Variants in PSD3 observed in about 807,000 individuals in gnomAD.
PSD3 encodes the protein PH and SEC7 domain-containing protein 3.
In PSD3, 49 loss-of-function variants were observed where a neutral mutation model predicts 105.5. The ratio of observed to expected loss-of-function variants is 0.46; its 90% CI spans 0.37 to 0.59. PSD3 has a LOEUF of 0.59. Among genes scored for constraint, PSD3 ranks in the 20% least tolerant of loss-of-function variants. PSD3 has a pLI of 0.00. For missense variants in PSD3, 1,561 were observed against 1,263.8 expected (o/e 1.24, Z -3.57); for synonymous variants, 557 against 457.8 (o/e 1.22, Z -2.77).
At chr8:18,948,190 C>G (rs1160021763) in intron 1 of PSD3, among the ~76,000 whole-genome samples, 3 of 152,176 alleles carry the variant, frequency 2.0e-5, no homozygotes, top group Non-Finnish European at 4.4e-5. Context: ...TCCTCAGGTT[C>G]TGGACCTGTG....
chr8:18,845,773 C>CA (rs1221740459), intron 4 of PSD3, among the ~76,000 whole-genome samples: 1 of 151,882 alleles, frequency 6.6e-6, no homozygotes, highest in Non-Finnish European at 1.5e-5. Context: ...CCCACCTCTA[C>CA]AAAAAAAATT....
rs565477033 is a variant in PSD3, at chr8:18,593,776, A to T, written c.2481+6588T>A. 2.0e-5 allele frequency among the ~76,000 whole-genome samples: 3 copies of T among 152,054 alleles called. No individual in the cohort carries two copies. The East Asian group carries it at 5.8e-4, about 29-fold the overall frequency. On this transcript the variant is annotated intron_variant, in intron 12 of 15. Coordinates refer to ENST00000327040, the MANE Select transcript of PSD3 (RefSeq NM_015310.4). ...TAAGAAAATGTGGCACATATACACC[A>T]TGGAACACTATGCAGCCCTAAAAAA...
chr8:18,658,572 G>T (rs1809072831), intron 9 of PSD3, among the ~76,000 whole-genome samples: 1 of 149,356 alleles, frequency 6.7e-6, no homozygotes, highest in East Asian at 2.0e-4. Context: ...ACCCGGGCTG[G>T]AGTACAGTGG....
chr8:18,541,246 T>G (rs1800135361), intron 15 of PSD3, among the ~76,000 whole-genome samples: 1 of 151,148 alleles, frequency 6.6e-6, no homozygotes, highest in African/African-American at 2.4e-5. Flanking sequence ...GTTTGTTTAC[T>G]AATATATCCC....
chr8:18,989,073 C>A (rs1439627582), intron 1 of PSD3, among the ~76,000 whole-genome samples: 10 of 152,088 alleles, frequency 6.6e-5, no homozygotes, highest in African/African-American at 2.2e-4. Context: ...TTCAATTCCT[C>A]CAGTTTTAAA....
intron 2 of PSD3, among the ~76,000 whole-genome samples, chr8:18,901,867 C>G (rs746884391): frequency 1.4e-4 from 22 of 152,192 alleles, no homozygotes; most frequent in Non-Finnish European, 2.5e-4. Context: ...TCTCTCCTAG[C>G]CTGTAAGGTT....
At chr8:18,877,566 G>A (rs1817810613) in intron 2 of PSD3, among the ~76,000 whole-genome samples, 1 of 147,410 alleles carries the variant, frequency 6.8e-6, no homozygotes, top group African/African-American at 2.5e-5. Context: ...CTTTTTGACA[G>A]GATCTCACTC....
At chr8:18,843,441 T>C (rs1210897434) in intron 4 of PSD3, among the ~76,000 whole-genome samples, 1 of 152,186 alleles carries the variant, frequency 6.6e-6, no homozygotes, top group Non-Finnish European at 1.5e-5. Flanking sequence ...TTTTAATTTC[T>C]CCATTTTCTT....
At chr8:19,074,882 C>T (rs11992183) in intron 1 of PSD3, among the ~76,000 whole-genome samples, 4 of 150,518 alleles carry the variant, frequency 2.7e-5, no homozygotes, top group Non-Finnish European at 4.4e-5. Context: ...GGCCTCCCAA[C>T]GTGCTGGGAT....
intron 8 of PSD3, among the ~76,000 whole-genome samples, chr8:18,778,818 C>A (rs1258493933): frequency 1.3e-5 from 2 of 151,938 alleles, no homozygotes; most frequent in Non-Finnish European, 2.9e-5. Flanking sequence ...ACTTGATCAT[C>A]GTGAATGATC....
At chr8:18,871,591 G>A (rs1259475175) in intron 3 of PSD3, 35 bp downstream of exon 3, 22 of 1,551,902 alleles carry the variant, frequency 1.4e-5, no homozygotes, top group Non-Finnish European at 1.9e-5. Flanking sequence ...TATGTACCAG[G>A]CATCTGAGAC....
chr8:18,869,855 G>A (rs949701684), intron 3 of PSD3, among the ~76,000 whole-genome samples: 2 of 152,134 alleles, frequency 1.3e-5, no homozygotes, highest in African/African-American at 4.8e-5. Context: ...TATCTTCAGT[G>A]GTAAATTCCA....
chr8:18,722,513 T>C (rs1295035822), intron 9 of PSD3, among the ~76,000 whole-genome samples: 1 of 152,200 alleles, frequency 6.6e-6, no homozygotes, highest in Non-Finnish European at 1.5e-5. Flanking sequence ...ACACTAAGAA[T>C]AAACTTAATC....
At chr8:18,879,473 A>G (rs920213708) in intron 2 of PSD3, among the ~76,000 whole-genome samples, 5 of 152,262 alleles carry the variant, frequency 3.3e-5, no homozygotes, top group African/African-American at 1.2e-4. Flanking sequence ...GATGTTCAAT[A>G]AAGTATTGTT....
chr8:18,836,097 T>G (rs371367080), intron 4 of PSD3, among the ~76,000 whole-genome samples: 1 of 152,164 alleles, frequency 6.6e-6, no homozygotes, highest in East Asian at 1.9e-4. Context: ...CTGACCAAAT[T>G]GCTGACATGC....
At position 18,940,732 on chromosome 8, in the gene PSD3, C is replaced by T. The variant is rs192354457; in HGVS notation, c.22-4590G>A. On this transcript the variant is annotated intron_variant, in intron 1 of 15. Coordinates refer to ENST00000327040, the MANE Select transcript of PSD3 (RefSeq NM_015310.4). ...ATACTTACAGTAAATCCTGCCCTTA[C>T]ATCAAATTCCTACCTATTCCCTCCG... Among the ~76,000 whole-genome samples the T allele has an allele frequency of 2.3e-3, 344 of 152,298 alleles. 4 individuals are homozygous for T. Among genetic ancestry groups the T allele is most frequent in the Admixed American group, 0.018 (283 of 15,304 alleles).
chr8:18,687,745 A>C (rs1325649716), intron 9 of PSD3, among the ~76,000 whole-genome samples: 6 of 152,036 alleles, frequency 3.9e-5, no homozygotes, highest in Admixed American at 6.6e-5. Flanking sequence ...CTCATGGACT[A>C]TAAATGGAAG....
chr8:18,832,804 C>A (rs753138303), intron 4 of PSD3, among the ~76,000 whole-genome samples: 3 of 152,106 alleles, frequency 2.0e-5, no homozygotes, highest in Non-Finnish European at 4.4e-5. Flanking sequence ...GGGGAACTGC[C>A]CTTTATAAAA....
intron 9 of PSD3, among the ~76,000 whole-genome samples, chr8:18,656,169 T>C (rs10105809): frequency 0.41 from 61,839 of 151,902 alleles, 13,137 homozygotes; most frequent in African/African-American, 0.52. Flanking sequence ...GTGATTCTCT[T>C]GCTTCAGCCT....
Sources: allele counts gnomAD v4.1 joint callset (sites outside exome capture counted in the v4.1 genomes callset), GRCh38; gene constraint gnomAD v4.1.1; transcripts MANE v1.5; gene names NCBI Gene and HGNC (gene_info 2026-07-23, HGNC 2026-07-21).